The following COLGALT1 variants were observed in gnomAD, a reference collection of about 807,000 sequenced individuals.
COLGALT1 encodes the protein collagen beta(1-O)galactosyltransferase 1.
Under a neutral mutation model 60.8 loss-of-function variants are expected in COLGALT1, and 43 were observed. The ratio of observed to expected loss-of-function variants is 0.71; its 90% CI spans 0.55 to 0.91. The LOEUF (loss-of-function observed/expected upper bound fraction) is 0.91. Ranked by LOEUF, COLGALT1 falls within the 40% of genes least tolerant of loss-of-function variation. COLGALT1 has a pLI of 0.00. For missense variants in COLGALT1, 845 were observed against 880.0 expected, an observed-to-expected ratio of 0.96 and a Z score of 0.50; for synonymous variants, 369 against 374.2, an observed-to-expected ratio of 0.99 and a Z score of 0.16.
At chr19:17,558,119 A>G (rs2076224393) in intron 1 of COLGALT1, among the ~76,000 whole-genome samples, 1 of 150,292 alleles carries the variant, frequency 6.7e-6, no homozygotes, top group South Asian at 2.1e-4. Context: ...TTGTGTTTTT[A>G]GTAGAGATGG....
chr19:17,559,109 G>C (rs377186609), intron 1 of COLGALT1, among the ~76,000 whole-genome samples: 1 of 151,548 alleles, frequency 6.6e-6, no homozygotes, highest in South Asian at 2.1e-4. Flanking sequence ...GCAGTGAGCC[G>C]AGATCGCGCC....
chr19:17,556,024 G>A (rs1270197003), intron 1 of COLGALT1, 51 bp downstream of exon 1: 32 of 1,282,908 alleles, frequency 2.5e-5, no homozygotes, highest in Admixed American at 4.2e-5. Flanking sequence ...GCCCCTGCTT[G>A]CTGTCCCCAT....
At chr19:17,569,501 G>A (rs868710710) in intron 5 of COLGALT1, among the ~76,000 whole-genome samples, 2 of 151,516 alleles carry the variant, frequency 1.3e-5, no homozygotes, top group African/African-American at 4.8e-5. Context: ...GCAGTGGTGC[G>A]ATCTCGGCTC....
Position 17,581,327 on chromosome 19 carries a change from C to G in COLGALT1, c.1752C>G (p.Thr584=), listed in dbSNP as rs755935692. 298 of 1,613,368 alleles carry G rather than the reference C, an allele frequency of 1.8e-4. No individual in the cohort carries two copies. The highest frequency in any genetic ancestry group is 2.2e-4 in the Non-Finnish European group (258 of 1,179,994). ...SVVWNNEHVK[T]DWDRAKSQKM... ...TATGGAACAATGAGCACGTCAAGACCGACTGGGACCGCGCCAAGTCCCAGA... is the reference window on the plus strand; with the variant it reads ...TATGGAACAATGAGCACGTCAAGACGGACTGGGACCGCGCCAAGTCCCAGA... The change falls in exon 12 of 12, where the codon ACC becomes ACG. Residue 584 remains threonine (T), a synonymous_variant. Coordinates refer to ENST00000252599, the MANE Select transcript of COLGALT1 (RefSeq NM_024656.4).
chr19:17,557,376 A>G (rs542095411), intron 1 of COLGALT1, among the ~76,000 whole-genome samples: 2 of 152,128 alleles, frequency 1.3e-5, no homozygotes, highest in South Asian at 4.2e-4. Context: ...ATCTCAGCTC[A>G]TTGCAACCTC....
Position 17,581,083 on chromosome 19 carries a change from TG to T in COLGALT1, c.1602-93del, listed in dbSNP as rs2076378496. 2.1e-6 allele frequency: 3 copies of T among 1,460,644 alleles called. No individual in the cohort carries two copies. In the Admixed American group the frequency reaches 5.7e-5, roughly 28 times the overall value. The allele number at this position is 1,460,644 out of a possible 1,614,324, so 90.5% of individuals were successfully genotyped here. A position where few individuals can be genotyped will look rare whatever the true frequency, so the allele number is the denominator to read the frequency against. Reference sequence around the variant, plus strand: ...TCCCCTGCACACTTACGTTTTAATCTGTCCCCGCTGACTTCTTCACCCCCAA... The same window carrying T: ...TCCCCTGCACACTTACGTTTTAATCTTCCCCGCTGACTTCTTCACCCCCAA... On this transcript the variant is annotated intron_variant, in intron 11 of 11. Transcript: ENST00000252599.
At chr19:17,577,147 GCTGGAGGCTCCTTACCCCAGCGACTC>G (rs1291746916) in intron 6 of COLGALT1, 22 bp from the exon 7 acceptor site, 2 of 1,584,016 alleles carry the variant, frequency 1.3e-6, no homozygotes, top group Non-Finnish European at 1.7e-6. Context: ...TTGGAGAGAG[GCTGGAGGCTCCTTACCCCAGCGACTC>G]CTCAACGTCT....
Position 17,581,770 on chromosome 19 carries a change from C to T in COLGALT1, c.*326C>T. On this transcript the variant is annotated 3_prime_UTR_variant, in exon 12 of 12. Transcript: ENST00000252599. ...GTGAATGAGGCATAATTGTTCCCTC[C>T]ATCAGCGATTGATTCAGTCATCAAG... 1 of 373,894 alleles carries T rather than the reference C, an allele frequency of 2.7e-6. No individual in the cohort carries two copies. The highest frequency in any genetic ancestry group is 4.9e-6 in the Non-Finnish European group (1 of 202,700). 23.2% of individuals were successfully genotyped at this position (373,894 alleles called of 1,614,324 possible). A position where few individuals can be genotyped will look rare whatever the true frequency, so the allele number is the denominator to read the frequency against.
intron 6 of COLGALT1, 188 bp from the exon 7 acceptor site, chr19:17,577,007 G>GGGCCTGGGGTGTGGCCAGGGCTATGT: frequency 2.8e-6 from 1 of 361,446 alleles, no homozygotes; most frequent in Non-Finnish European, 5.1e-6. Context: ...CAGGGCTTTG[G>GGGCCTGGGGTGTGGCCAGGGCTATGT]GCTGCTGTGC....
Position 17,578,576 on chromosome 19 carries a change from ATGG to A in COLGALT1, c.1266+491_1266+493del, listed in dbSNP as rs2076359340. On this transcript the variant is annotated intron_variant, in intron 9 of 11. Coordinates refer to ENST00000252599, the MANE Select transcript of COLGALT1 (RefSeq NM_024656.4). Reference sequence around the variant, plus strand: ...CGAACTTGGGCCATCAGGGCCGGGCATGGTGGCGCACACCTGTGGTCCCAACTA... The same window carrying A: ...CGAACTTGGGCCATCAGGGCCGGGCATGGCGCACACCTGTGGTCCCAACTA... Among the ~76,000 whole-genome samples the A allele has an allele frequency of 1.3e-5, 2 of 152,204 alleles. 1 individual carries two copies. The highest frequency in any genetic ancestry group is 2.9e-5 in the Non-Finnish European group (2 of 68,040).
chr19:17,579,122 C>T lies in COLGALT1; in HGVS notation c.1267-360C>T, dbSNP rs190258113. Reference sequence around the variant, plus strand: ...GGGAGGCGGAGGTTGCAGTTGAGATCGTTCCACTGCACTCCAGCCTGGGCG... The same window carrying T: ...GGGAGGCGGAGGTTGCAGTTGAGATTGTTCCACTGCACTCCAGCCTGGGCG... On this transcript the variant is annotated intron_variant, in intron 9 of 11. Transcript: ENST00000252599. 6.1e-4 allele frequency among the ~76,000 whole-genome samples: 93 copies of T among 151,254 alleles called. 1 individual carries two copies. The highest frequency in any genetic ancestry group is 1.6e-3 in the Admixed American group (25 of 15,170).
At chr19:17,579,669 G>A (rs2052633617) in intron 10 of COLGALT1, 60 bp downstream of exon 10, 1 of 1,527,314 alleles carries the variant, frequency 6.5e-7, no homozygotes, top group Non-Finnish European at 8.9e-7. Context: ...AGGACTTAGA[G>A]GTGGGGGTGG....
chr19:17,560,618 A>G (rs575770629), intron 3 of COLGALT1, among the ~76,000 whole-genome samples, 153 bp downstream of exon 3: 17 of 152,134 alleles, frequency 1.1e-4, no homozygotes, highest in Non-Finnish European at 2.1e-4. Flanking sequence ...TTGAGGTGAT[A>G]TGGTTGGTCA....
At chr19:17,570,033 T>TAC (rs1466528753) in intron 5 of COLGALT1, among the ~76,000 whole-genome samples, 1 of 151,448 alleles carries the variant, frequency 6.6e-6, no homozygotes, top group Non-Finnish European at 1.5e-5. Context: ...TAGCTGGGAC[T>TAC]ACAGGCACCA....
chr19:17,575,570 AG>A (rs2076336137), intron 6 of COLGALT1, among the ~76,000 whole-genome samples: 2 of 151,572 alleles, frequency 1.3e-5, no homozygotes, highest in African/African-American at 4.8e-5. Flanking sequence ...TAGTGGGGAC[AG>A]GGTTTCAGTA....
Position 17,567,472 on chromosome 19 carries a change from A to T in COLGALT1, c.556A>T (p.Thr186Ser). The T allele has an allele frequency of 1.9e-6, 3 of 1,614,072 alleles. No individual in the cohort carries two copies. The South Asian group carries it at 3.3e-5, about 18-fold the overall frequency. Residue 186 changes from threonine (T) to serine (S), a missense_variant, in exon 4 of 12, where the codon ACG (threonine) becomes TCG (serine). Coordinates refer to ENST00000252599, the MANE Select transcript of COLGALT1 (RefSeq NM_024656.4). ...TLSLLIAENK[T>S]VVAPMLDSRA... Reference sequence around the variant, plus strand: ...GAGCCTGCTCATCGCTGAGAACAAGACGGTGGTCGCCCCCATGCTGGATTC... The same window carrying T: ...GAGCCTGCTCATCGCTGAGAACAAGTCGGTGGTCGCCCCCATGCTGGATTC...
chr19:17,579,720 A>G, intron 10 of COLGALT1, 111 bp downstream of exon 10: 1 of 1,364,546 alleles, frequency 7.3e-7, no homozygotes, highest in Non-Finnish European at 1.0e-6. Flanking sequence ...GTCATGGCTT[A>G]GAGGCGGGGC....
At chr19:17,561,733 T>C (rs1053455614) in intron 3 of COLGALT1, among the ~76,000 whole-genome samples, 3 of 151,858 alleles carry the variant, frequency 2.0e-5, no homozygotes, top group Non-Finnish European at 4.4e-5. Flanking sequence ...TTCTGTTACA[T>C]GCATAGATTG....
Position 17,568,749 on chromosome 19 carries a change from C to T in COLGALT1, c.829+36C>T, listed in dbSNP as rs191915857. On this transcript the variant is annotated intron_variant, in intron 5 of 11. Transcript: ENST00000252599. The stretch of plus-strand genomic sequence containing the variant: ...GAGGGGTCTGCCATCGCAGGGGCAT[C>T]TGCCTGGTTCTTTGGGTTTTGCACT... 74 of 1,606,514 alleles carry T rather than the reference C, an allele frequency of 4.6e-5. 1 individual carries two copies. The East Asian group carries it at 1.6e-3, about 34-fold the overall frequency.
Sources: allele counts gnomAD v4.1 joint callset (sites outside exome capture counted in the v4.1 genomes callset), GRCh38; gene constraint gnomAD v4.1.1; transcripts MANE v1.5; gene names NCBI Gene and HGNC (gene_info 2026-07-23, HGNC 2026-07-21).